SMOC2: variants seen among roughly 807,000 people sequenced by gnomAD.
The protein encoded by SMOC2 is SPARC related modular calcium binding 2.
Under a neutral mutation model 61.4 loss-of-function variants are expected in SMOC2, and 39 were observed. That is an observed-to-expected ratio of 0.64 (90% CI 0.49 to 0.83). SMOC2 has a LOEUF of 0.83. SMOC2 is among the 40% of genes least tolerant of loss of function. The pLI is 0.00. For synonymous variants in SMOC2, 247 were observed against 239.9 expected (o/e 1.03, Z -0.27); for missense variants, 556 against 592.9 (o/e 0.94, Z 0.65).
intron 11 of SMOC2, among the ~76,000 whole-genome samples, chr6:168,662,434 G>A (rs115232283): frequency 1.6e-3 from 244 of 152,320 alleles, no homozygotes; most frequent in African/African-American, 5.3e-3. Flanking sequence ...AGAGCAGCCT[G>A]CAGAGGACAG....
chr6:168,518,323 ATGTG>A (rs543467463), intron 2 of SMOC2, among the ~76,000 whole-genome samples: 1 of 151,852 alleles, frequency 6.6e-6, no homozygotes, highest in Admixed American at 6.6e-5. Context: ...TTTCTGTTGC[ATGTG>A]TGTATGCCTG....
At chr6:168,508,469 C>A (rs1198053187) in intron 1 of SMOC2, among the ~76,000 whole-genome samples, 2 of 152,204 alleles carry the variant, frequency 1.3e-5, no homozygotes, top group Non-Finnish European at 2.9e-5. Flanking sequence ...TCCACTGACA[C>A]AACCCACCTG....
chr6:168,488,196 TCTC>T (rs1291257405), intron 1 of SMOC2, among the ~76,000 whole-genome samples: 3 of 152,184 alleles, frequency 2.0e-5, no homozygotes, highest in African/African-American at 7.2e-5. Context: ...ATCCCACTGG[TCTC>T]CTCTGGCCCC....
chr6:168,477,390 G>A (rs74848013), intron 1 of SMOC2, among the ~76,000 whole-genome samples: 5,633 of 152,262 alleles, frequency 0.037, 161 homozygotes, highest in South Asian at 0.13. Context: ...GTATATTTGG[G>A]CTTGTAACAT....
intron 1 of SMOC2, among the ~76,000 whole-genome samples, chr6:168,507,597 G>GC (rs1278345043): frequency 4.6e-5 from 7 of 152,178 alleles, no homozygotes; most frequent in Admixed American, 2.6e-4. Flanking sequence ...CCCCCGGGGC[G>GC]CCCCCCACTG....
chr6:168,576,189 A>C (rs1784800099), intron 7 of SMOC2, among the ~76,000 whole-genome samples: 1 of 152,108 alleles, frequency 6.6e-6, no homozygotes, highest in African/African-American at 2.4e-5. Context: ...CTGCTCATTC[A>C]AACAGGTAAA....
intron 2 of SMOC2, among the ~76,000 whole-genome samples, chr6:168,511,815 T>TTTC (rs1424356948): frequency 1.3e-5 from 2 of 149,146 alleles, no homozygotes; most frequent in East Asian, 3.9e-4. Context: ...TCAAGGGTTG[T>TTTC]TTTTTTTTTT....
In SMOC2 at chr6:168,664,118, A is replaced by G. The variant is rs1787592218; in HGVS notation, c.1323+7A>G. 1.3e-6 allele frequency: 2 copies of G among 1,599,402 alleles called. No individual in the cohort carries two copies. The highest frequency in any genetic ancestry group is 2.7e-5 in the African/African-American group (2 of 74,656). ...AAGTACGTCTAATAGACAGGTAAGT[A>G]TGTTTATATTTTACTCTTAACCATT... On this transcript the variant is annotated splice_region_variant and intron_variant, in intron 12 of 12. Transcript: ENST00000356284.
In SMOC2 at chr6:168,453,934, C is replaced by T. The variant is rs913891649; in HGVS notation, c.84+12480C>T. 4.0e-5 allele frequency among the ~76,000 whole-genome samples: 6 copies of T among 151,872 alleles called. No individual in the cohort carries two copies. Among genetic ancestry groups the T allele is most frequent in the Non-Finnish European group, 7.4e-5 (5 of 67,978 alleles). On this transcript the variant is annotated intron_variant, in intron 1 of 12. Transcript: ENST00000356284. This position sits in a 1 kb window ranked among gnomAD's most constrained non-coding sequence, Gnocchi z 4.4. ...TTCCTCTCTCTCTGTCTCTCTGATT[C>T]TATCTTTGGTCTCTGCCATTCTCCC...
intron 9 of SMOC2, among the ~76,000 whole-genome samples, chr6:168,614,260 A>AT (rs1785985177): frequency 1.4e-5 from 1 of 69,836 alleles, no homozygotes; most frequent in African/African-American, 6.0e-5. Context: ...CAGCCAGCAC[A>AT]GGGCCTCTTT....
chr6:168,518,887 ATGCG>A (rs1356476074), intron 2 of SMOC2, among the ~76,000 whole-genome samples: 2 of 148,046 alleles, frequency 1.4e-5, no homozygotes, highest in African/African-American at 5.0e-5. Context: ...GTGTCTGAGC[ATGCG>A]TGTGTGTGCG....
chr6:168,496,290 T>G (rs1236220399), intron 1 of SMOC2, among the ~76,000 whole-genome samples: 1 of 152,190 alleles, frequency 6.6e-6, no homozygotes, highest in East Asian at 1.9e-4. Flanking sequence ...CTGCAATCCC[T>G]GTTTCTAGAT....
At chr6:168,636,675 G>A (rs10945528) in intron 9 of SMOC2, among the ~76,000 whole-genome samples, 76,764 of 152,080 alleles carry the variant, frequency 0.5, 21,780 homozygotes, top group African/African-American at 0.78. Flanking sequence ...GCAGACAAAG[G>A]TATCTCTCTG....
chr6:168,563,290 T>C (rs1277756478), intron 7 of SMOC2, among the ~76,000 whole-genome samples: 1 of 17,028 alleles, frequency 5.9e-5, no homozygotes, highest in Non-Finnish European at 1.0e-4. Flanking sequence ...AAGTTTTATG[T>C]GTGTGTGTGT....
At chr6:168,467,149 A>ACACACACACT (rs1410683844) in intron 1 of SMOC2, among the ~76,000 whole-genome samples, 2 of 136,298 alleles carry the variant, frequency 1.5e-5, no homozygotes, top group African/African-American at 7.1e-5. Context: ...ACACACACAC[A>ACACACACACT]CACACACACA....
chr6:168,599,023 C>A lies in SMOC2; in HGVS notation c.824+19C>A, dbSNP rs1382992957. On this transcript the variant is annotated intron_variant, in intron 8 of 12. Transcript: ENST00000356284. ...CCACAAGGTAAATAGGGTGCACCCA[C>A]CCCCCCCGGGACCATGGGAGGCTTT... 4.7e-6 allele frequency: 7 copies of A among 1,490,276 alleles called. No homozygotes were observed. The Middle Eastern group carries it at 5.9e-4, about 126-fold the overall frequency. The allele number at this position is 1,490,276 out of a possible 1,614,324, so 92.3% of individuals were successfully genotyped here.
chr6:168,458,720 T>A (rs1781650032), intron 1 of SMOC2, among the ~76,000 whole-genome samples: 1 of 152,070 alleles, frequency 6.6e-6, no homozygotes, highest in Non-Finnish European at 1.5e-5. Context: ...CCCCCTGCCC[T>A]CCAGTTGTGT....
intron 11 of SMOC2, 49 bp downstream of exon 11, chr6:168,653,277 C>A: frequency 6.5e-7 from 1 of 1,529,480 alleles, no homozygotes; most frequent in Non-Finnish European, 8.8e-7. Context: ...GGCCCTGAGG[C>A]CTGGGAGGTC....
chr6:168,553,028 T>C lies in SMOC2; in HGVS notation c.637+3825T>C, dbSNP rs1476141958. Among the ~76,000 whole-genome samples, 1 of 152,204 alleles carries C rather than the reference T, an allele frequency of 6.6e-6. No homozygotes were observed. The highest frequency in any genetic ancestry group is 1.5e-5 in the Non-Finnish European group (1 of 68,038). ...TCCACGGGCCCTACTGTAGCATCAT[T>C]ACTCTTTTTAAAACAAGCTGAATGA... is the stretch of plus-strand genomic sequence containing the variant. On this transcript the variant is annotated intron_variant, in intron 7 of 12. Transcript: ENST00000356284. This position sits in a 1 kb window ranked among gnomAD's most constrained non-coding sequence, Gnocchi z 4.2.
Sources: gnomAD v4.1 joint callset for allele counts (sites outside exome capture counted in the v4.1 genomes callset) on GRCh38, gnomAD v4.1.1 for gene constraint, Gnocchi (gnomAD v3.1) non-coding constraint, MANE v1.5 for transcripts, NCBI Gene and HGNC (gene_info 2026-07-23, HGNC 2026-07-21) for gene names.